BIRC5: variants seen among roughly 807,000 people sequenced by gnomAD.
The protein encoded by BIRC5 is baculoviral IAP repeat-containing protein 5.
In BIRC5, 8 loss-of-function variants were observed where a neutral mutation model predicts 15.8. The observed-to-expected ratio is 0.51, with a 90% CI of 0.30 to 0.91. The LOEUF is 0.91. Ranked by LOEUF, BIRC5 falls within the 40% of genes least tolerant of loss-of-function variation. BIRC5 has a pLI of 0.07. For missense variants in BIRC5, 163 were observed against 178.6 expected (o/e 0.91, Z 0.50); for synonymous variants, 56 against 64.5 (o/e 0.87, Z 0.63).
chr17:78,220,519 C>T (rs1482694014), intron 3 of BIRC5, among the ~76,000 whole-genome samples: 4 of 152,068 alleles, frequency 2.6e-5, no homozygotes, highest in Non-Finnish European at 5.9e-5. Context: ...GGAGACCTCT[C>T]GGTCTCTATC....
At chr17:78,217,659 G>T (rs1306025035) in intron 3 of BIRC5, among the ~76,000 whole-genome samples, 2 of 151,334 alleles carry the variant, frequency 1.3e-5, no homozygotes, top group Admixed American at 1.3e-4. Flanking sequence ...ACCACACCCG[G>T]CTAATTTTTT....
intron 2 of BIRC5, chr17:78,215,966 T>C (rs750764370): frequency 1.1e-5 from 12 of 1,065,550 alleles, no homozygotes; most frequent in Non-Finnish European, 1.2e-5. Context: ...ATCCTTACAG[T>C]GGGCCGGGCA....
At chr17:78,218,049 G>A (rs1161591686) in intron 3 of BIRC5, among the ~76,000 whole-genome samples, 1 of 151,630 alleles carries the variant, frequency 6.6e-6, no homozygotes, top group Non-Finnish European at 1.5e-5. Context: ...GAGCTCAAGG[G>A]ATCCTTTTGC....
intron 3 of BIRC5, among the ~76,000 whole-genome samples, chr17:78,221,630 C>G (rs1468782444): frequency 6.6e-6 from 1 of 152,142 alleles, no homozygotes. Flanking sequence ...CCACCGCACC[C>G]GGCCTGTTTT....
intron 3 of BIRC5, among the ~76,000 whole-genome samples, chr17:78,217,036 C>A (rs889022521): frequency 1.3e-5 from 2 of 152,140 alleles, no homozygotes; most frequent in African/African-American, 4.8e-5. Context: ...AGTGCCACCA[C>A]ACCCAGCTAA....
chr17:78,217,584 C>A (rs1190954253), intron 3 of BIRC5, among the ~76,000 whole-genome samples: 1 of 152,010 alleles, frequency 6.6e-6, no homozygotes, highest in Admixed American at 6.6e-5. Flanking sequence ...GCAAGCTCCG[C>A]CCCCCAGGTT....
rs779690467 is a variant in BIRC5 at position 78,224,230 on chromosome 17, T to G, written c.*676T>G. 2.0e-5 allele frequency: 3 copies of G among 152,104 alleles called. No homozygotes were observed. Among genetic ancestry groups the G allele is most frequent in the Admixed American group, 2.0e-4 (3 of 15,258 alleles). The allele number at this position is 152,104 out of a possible 1,614,324, so 9.4% of individuals were successfully genotyped here. On this transcript the variant is annotated 3_prime_UTR_variant, in exon 4 of 4. Coordinates refer to ENST00000350051, the MANE Select transcript of BIRC5 (RefSeq NM_001168.3). ...AAACTAAGCACAAAGCCATTCTAAG[T>G]CATTGGGGAAACGGGGTGAACTTCA...
intron 3 of BIRC5, chr17:78,222,847 A>T: frequency 1.3e-6 from 2 of 1,536,100 alleles, no homozygotes; most frequent in Non-Finnish European, 1.7e-6. Flanking sequence ...CTGTTAGCAG[A>T]ATGAAAAAAT....
At position 78,223,833 on chromosome 17, in the gene BIRC5, C is replaced by G. The variant is rs138133959; in HGVS notation, c.*279C>G. On this transcript the variant is annotated 3_prime_UTR_variant, in exon 4 of 4. Transcript: ENST00000350051. ...TTTGCTGTTTTGATTCCCGGGCTTACCAGGTGAGAAGTGAGGGAGGAAGAA... is the reference window on the plus strand; with the variant it reads ...TTTGCTGTTTTGATTCCCGGGCTTAGCAGGTGAGAAGTGAGGGAGGAAGAA... 1.6e-3 allele frequency: 971 copies of G among 595,068 alleles called. 7 individuals are homozygous for G. In the African/African-American group the frequency reaches 0.016, roughly 10 times the overall value. 36.9% of individuals were successfully genotyped at this position (595,068 alleles called of 1,614,324 possible).
rs112471026 is a variant in BIRC5 at position 78,223,565 on chromosome 17, C to T, written c.*11C>T. On this transcript the variant is annotated 3_prime_UTR_variant, in exon 4 of 4. Coordinates refer to ENST00000350051, the MANE Select transcript of BIRC5 (RefSeq NM_001168.3). ...GCTGCCATGGATTGAGGCCTCTGGC[C>T]GGAGCTGCCTGGTCCCAGAGTGGCT... 4.7e-4 allele frequency: 760 copies of T among 1,613,760 alleles called. 4 individuals are homozygous for T. The African/African-American group carries it at 8.4e-3, about 18-fold the overall frequency.
intron 3 of BIRC5, 57 bp from the exon 4 acceptor site, chr17:78,223,408 C>A: frequency 1.4e-6 from 2 of 1,462,170 alleles, no homozygotes; most frequent in Admixed American, 2.2e-5. Flanking sequence ...ATCTTATCTA[C>A]AGGATGTGAC....
In BIRC5 at chr17:78,225,132, G is replaced by C. The variant is rs1208276818; in HGVS notation, c.*1578G>C. Reference sequence around the variant, plus strand: ...CTTTGTAGAGAAGCTGGAAAAAAATGGTTTTGTCTTCAACTCCTTTGCATG... The same window carrying C: ...CTTTGTAGAGAAGCTGGAAAAAAATCGTTTTGTCTTCAACTCCTTTGCATG... On this transcript the variant is annotated 3_prime_UTR_variant, in exon 4 of 4. Coordinates refer to ENST00000350051, the MANE Select transcript of BIRC5 (RefSeq NM_001168.3). 2 of 152,246 alleles carry C rather than the reference G, an allele frequency of 1.3e-5. No individual in the cohort carries two copies. Among genetic ancestry groups the C allele is most frequent in the Non-Finnish European group, 2.9e-5 (2 of 68,056 alleles). 9.4% of individuals were successfully genotyped at this position (152,246 alleles called of 1,614,324 possible).
chr17:78,222,869 T>G, intron 3 of BIRC5: 4 of 1,536,058 alleles, frequency 2.6e-6, no homozygotes, highest in Non-Finnish European at 3.5e-6. Context: ...GGAAGCCAGA[T>G]TCAGGGAGGG....
At chr17:78,221,471 G>A (rs1352892595) in intron 3 of BIRC5, among the ~76,000 whole-genome samples, 1 of 151,734 alleles carries the variant, frequency 6.6e-6, no homozygotes, top group Admixed American at 6.6e-5. Context: ...CTGTCGCCCA[G>A]GCTGGAGTGC....
chr17:78,218,180 T>C (rs1281309756), intron 3 of BIRC5, among the ~76,000 whole-genome samples: 1 of 151,948 alleles, frequency 6.6e-6, no homozygotes, highest in African/African-American at 2.4e-5. Context: ...CCGGTATAAG[T>C]ATATACCGGT....
At chr17:78,218,058 G>A (rs1225735802) in intron 3 of BIRC5, among the ~76,000 whole-genome samples, 2 of 151,758 alleles carry the variant, frequency 1.3e-5, no homozygotes, top group African/African-American at 2.4e-5. Flanking sequence ...GGATCCTTTT[G>A]CCTGGGCCTC....
Position 78,223,836 on chromosome 17 carries a change from G to A in BIRC5, c.*282G>A. ...GCTGTTTTGATTCCCGGGCTTACCA[G>A]GTGAGAAGTGAGGGAGGAAGAAGGC... On this transcript the variant is annotated 3_prime_UTR_variant, in exon 4 of 4. Coordinates refer to ENST00000350051, the MANE Select transcript of BIRC5 (RefSeq NM_001168.3). The A allele has an allele frequency of 1.7e-6, 1 of 574,766 alleles. No individual in the cohort carries two copies. The highest frequency in any genetic ancestry group is 2.9e-6 in the Non-Finnish European group (1 of 347,698). The allele number at this position is 574,766 out of a possible 1,614,324, so 35.6% of individuals were successfully genotyped here.
In BIRC5 at chr17:78,214,731, G is replaced by A; in HGVS notation, c.163G>A (p.Ala55Thr). 1 of 1,612,782 alleles carries A rather than the reference G, an allele frequency of 6.2e-7. No individual in the cohort carries two copies. Among genetic ancestry groups the A allele is most frequent in the South Asian group, 1.1e-5 (1 of 90,766 alleles). The change falls in exon 2 of 4, where the codon GCC (alanine) becomes ACC (threonine). Residue 55 changes from alanine (A) to threonine (T), a missense_variant. By Grantham distance (58) the Ala-to-Thr change is moderately conservative. Coordinates refer to ENST00000350051, the MANE Select transcript of BIRC5 (RefSeq NM_001168.3). ...CCCCACTGAGAACGAGCCAGACTTGGCCCAGTGTTTCTTCTGCTTCAAGGA... is the reference window on the plus strand; with the variant it reads ...CCCCACTGAGAACGAGCCAGACTTGACCCAGTGTTTCTTCTGCTTCAAGGA... The part of the protein sequence containing the change: ...HCPTENEPDL[A>T]QCFFCFKELE...
rs886248212 is a variant in BIRC5 at position 78,224,581 on chromosome 17, G to A, written c.*1027G>A. 6.6e-6 allele frequency: 1 copy of A among 152,184 alleles called. No homozygotes were observed. Among genetic ancestry groups the A allele is most frequent in the Non-Finnish European group, 1.5e-5 (1 of 68,026 alleles). 9.4% of individuals were successfully genotyped at this position (152,184 alleles called of 1,614,324 possible). On this transcript the variant is annotated 3_prime_UTR_variant, in exon 4 of 4. Coordinates refer to ENST00000350051, the MANE Select transcript of BIRC5 (RefSeq NM_001168.3). ...GGGCTGAAGTCTGGCGTAAGATGAT[G>A]GATTTGATTCGCCCTCCTCCCTGTC...
Sources: allele counts gnomAD v4.1 joint callset (sites outside exome capture counted in the v4.1 genomes callset), GRCh38; gene constraint gnomAD v4.1.1; transcripts MANE v1.5; gene names NCBI Gene and HGNC (gene_info 2026-07-23, HGNC 2026-07-21).